PSG11: variants seen among roughly 807,000 people sequenced by gnomAD.
PSG11 encodes the protein pregnancy-specific beta-1-glycoprotein 11.
In PSG11, 42 loss-of-function variants were observed where a neutral mutation model predicts 36.0. That is an observed-to-expected ratio of 1.17 (90% confidence interval 0.91 to 1.51). The LOEUF (loss-of-function observed/expected upper bound fraction) is 1.51, where lower values mean the gene tolerates loss of function less well. PSG11 is among the 40% of genes most tolerant of loss of function. The pLI, the probability that PSG11 is intolerant of heterozygous loss-of-function variation, is 0.00. For synonymous variants in PSG11, 206 were observed against 153.5 expected (o/e 1.34, Z -2.53); for missense variants, 558 against 403.5 (o/e 1.38, Z -3.28).
intron 2 of PSG11, chr19:43,024,460 A>G (rs1242077852): frequency 1.5e-5 from 9 of 608,344 alleles, no homozygotes; most frequent in Middle Eastern, 4.3e-4. Context: ...TCCCCCCATC[A>G]GACTGTCCTT....
intron 4 of PSG11, among the ~76,000 whole-genome samples, chr19:43,013,277 A>T (rs1974119713): frequency 6.6e-6 from 1 of 151,550 alleles, no homozygotes; most frequent in South Asian, 2.1e-4. Context: ...CACAAAAATC[A>T]AAACCTTTTA....
In PSG11 at chr19:43,007,884, G is replaced by A; in HGVS notation, c.*199C>T. 1 of 371,334 alleles carries A rather than the reference G, an allele frequency of 2.7e-6. No homozygotes were observed. The highest frequency in any genetic ancestry group is 5.1e-6 in the Non-Finnish European group (1 of 197,606). The allele number at this position is 371,334 out of a possible 1,614,324, so 23.0% of individuals were successfully genotyped here. The stretch of plus-strand genomic sequence containing the variant: ...GAAAACATTATCCTTTTGTTATTTA[G>A]TCCAATGAAATGGAGTTCTTTTCTT... On this transcript the variant is annotated 3_prime_UTR_variant, in exon 6 of 6. Coordinates refer to ENST00000320078, the MANE Select transcript of PSG11 (RefSeq NM_002785.3).
chr19:43,013,658 T>C (rs1434990234), intron 4 of PSG11, among the ~76,000 whole-genome samples: 4 of 151,492 alleles, frequency 2.6e-5, no homozygotes, highest in East Asian at 1.9e-4. Flanking sequence ...ATTGGAGCTC[T>C]AGTGCATTGC....
At chr19:43,011,557 GA>G (rs1305811696) in intron 4 of PSG11, among the ~76,000 whole-genome samples, 3 of 150,960 alleles carry the variant, frequency 2.0e-5, no homozygotes, top group African/African-American at 7.3e-5. Context: ...GATTGACTAA[GA>G]AAAAAAGAGA....
At chr19:43,021,117 A>AT in intron 2 of PSG11, among the ~76,000 whole-genome samples, 4 of 151,472 alleles carry the variant, frequency 2.6e-5, no homozygotes, top group Admixed American at 2.6e-4. Flanking sequence ...ATTCCTCTTA[A>AT]GTATGTGTTA....
chr19:43,025,119 C>A lies in PSG11; in HGVS notation c.65-63G>T, dbSNP rs374578033. 9.6e-6 allele frequency: 15 copies of A among 1,557,854 alleles called. 2 individuals carry two copies. Among genetic ancestry groups the A allele is most frequent in the African/African-American group, 4.1e-5 (3 of 72,510 alleles). Reference sequence around the variant, plus strand: ...TATGTATTGGGGTGAAAAGATGGGGCCCTGAGTCCTGAGAAGGTCTCTTCA... The same window carrying A: ...TATGTATTGGGGTGAAAAGATGGGGACCTGAGTCCTGAGAAGGTCTCTTCA... On this transcript the variant is annotated intron_variant, in intron 1 of 5. Coordinates refer to ENST00000320078, the MANE Select transcript of PSG11 (RefSeq NM_002785.3).
intron 2 of PSG11, among the ~76,000 whole-genome samples, chr19:43,021,519 T>G (rs1967101613): frequency 6.6e-6 from 1 of 151,164 alleles, no homozygotes; most frequent in Non-Finnish European, 1.5e-5. Flanking sequence ...GCCCAGCTAA[T>G]TTTTTGTATT....
chr19:43,008,910 A>T (rs1465541551), intron 5 of PSG11, among the ~76,000 whole-genome samples: 2 of 151,206 alleles, frequency 1.3e-5, no homozygotes, highest in Admixed American at 1.3e-4. Flanking sequence ...GAAGACTTAA[A>T]AATTACCAAT....
chr19:43,010,937 G>C (rs942024658), intron 4 of PSG11, among the ~76,000 whole-genome samples: 17 of 149,136 alleles, frequency 1.1e-4, no homozygotes, highest in African/African-American at 4.2e-4. Flanking sequence ...GTACTGTTGA[G>C]GGGCACTTCC....
chr19:43,014,459 T>A (rs6509052), intron 4 of PSG11: 432,659 of 962,936 alleles, frequency 0.45, 103,910 homozygotes, highest in East Asian at 0.99. Context: ...CTCAGGAGTC[T>A]GCCCTGAGGT....
intron 3 of PSG11, chr19:43,018,311 G>C (rs905526305): frequency 8.3e-6 from 2 of 241,776 alleles, no homozygotes; most frequent in Non-Finnish European, 1.6e-5. Flanking sequence ...AGAGCTTGGG[G>C]ACTTCCCCTG....
At chr19:43,018,398 G>C (rs1173383821) in intron 3 of PSG11, 8,305 of 397,612 alleles carry the variant, frequency 0.021, 871 homozygotes, top group African/African-American at 0.15. Context: ...AGTCACAGGT[G>C]ACATTGTCAG....
In PSG11 at chr19:43,007,729, C is replaced by CAGAT. The variant is rs369710479; in HGVS notation, c.*353_*354insATCT. ...AATAGATTCCCAATTCTGGGGCACT[C>CAGAT]AGAGAGCAAAAGCAAATGTTTCAAT... is the stretch of plus-strand genomic sequence containing the variant. On this transcript the variant is annotated 3_prime_UTR_variant, in exon 6 of 6. Coordinates refer to ENST00000320078, the MANE Select transcript of PSG11 (RefSeq NM_002785.3). The CAGAT allele has an allele frequency of 0.036, 7,233 of 202,828 alleles. 761 individuals carry two copies. The highest frequency in any genetic ancestry group is 0.16 in the African/African-American group (6,681 of 42,972). 12.6% of individuals were successfully genotyped at this position (202,828 alleles called of 1,614,324 possible).
In PSG11 at chr19:43,009,694, TTTCACCATGTGAAA is replaced by T. The variant is rs565358461; in HGVS notation, c.*40+250_*40+263del. Among the ~76,000 whole-genome samples, 715 of 151,260 alleles carry T rather than the reference TTTCACCATGTGAAA, an allele frequency of 4.7e-3. 18 individuals carry two copies. Among genetic ancestry groups the T allele is most frequent in the Non-Finnish European group, 8.2e-3 (557 of 67,846 alleles). On this transcript the variant is annotated intron_variant, in intron 5 of 5. Transcript: ENST00000320078. Reference sequence around the variant, plus strand: ...GATATGTTAAAAATAATGAAGAAGGTTTCACCATGTGAAATTGTGTTTCTCATTTGAATCTGAGA... The same window carrying T: ...GATATGTTAAAAATAATGAAGAAGGTTTGTGTTTCTCATTTGAATCTGAGA...
At chr19:43,024,296 T>A (rs888909306) in intron 2 of PSG11, among the ~76,000 whole-genome samples, 5 of 151,058 alleles carry the variant, frequency 3.3e-5, no homozygotes, top group Admixed American at 6.6e-5. Context: ...AGGTACAGAG[T>A]TCTGGGTTTG....
chr19:43,026,329 C>G lies in PSG11; in HGVS notation c.44G>C (p.Trp15Ser), dbSNP rs149116740. 7.4e-6 allele frequency: 12 copies of G among 1,611,100 alleles called. No homozygotes were observed. In the Middle Eastern group the frequency reaches 8.3e-4, roughly 111 times the overall value. ...SAPPCTEHIKWKGLLLTALLL... is the reference protein window; with the variant it reads ...SAPPCTEHIKSKGLLLTALLL... ...CTCACCTGTGAGCAGGAGCCCCTTCCATTTGATGTGCTCTGTGCAGGGAGG... is the reference window on the plus strand; with the variant it reads ...CTCACCTGTGAGCAGGAGCCCCTTCGATTTGATGTGCTCTGTGCAGGGAGG... Residue 15 changes from tryptophan to serine, a missense_variant, in exon 1 of 6, where the codon TGG becomes TCG. Transcript: ENST00000320078.
intron 5 of PSG11, among the ~76,000 whole-genome samples, chr19:43,008,450 G>A (rs1484078313): frequency 6.6e-6 from 1 of 150,808 alleles, no homozygotes; most frequent in Non-Finnish European, 1.5e-5. Flanking sequence ...TTTTGTTTTT[G>A]CGTTTTTGGT....
At chr19:43,024,444 G>T (rs1967184997) in intron 2 of PSG11, 7 of 588,360 alleles carry the variant, frequency 1.2e-5, no homozygotes, top group Non-Finnish European at 1.8e-5. Flanking sequence ...ATCTCCTCCT[G>T]CTGAGTCCCC....
intron 2 of PSG11, among the ~76,000 whole-genome samples, chr19:43,021,943 G>A (rs181684952): frequency 9.2e-5 from 14 of 151,498 alleles, no homozygotes; most frequent in African/African-American, 3.2e-4. Flanking sequence ...ACTCCATCTG[G>A]CATCTAGTCT....
Sources: allele counts gnomAD v4.1 joint callset (sites outside exome capture counted in the v4.1 genomes callset), GRCh38; gene constraint gnomAD v4.1.1; transcripts MANE v1.5; gene names NCBI Gene and HGNC (gene_info 2026-07-23, HGNC 2026-07-21).